The following MROH1 variants were observed in gnomAD, a reference collection of about 807,000 sequenced individuals.
MROH1 encodes maestro heat-like repeat-containing protein family member 1.
A neutral mutation model predicts 116.5 loss-of-function variants in MROH1; 117 were observed. The observed-to-expected ratio is 1.00, with a 90% CI of 0.86 to 1.17. The LOEUF is 1.17. MROH1 is among the 50% of genes most tolerant of loss of function. The pLI, the probability that MROH1 is intolerant of heterozygous loss-of-function variation, is 0.00. For missense variants in MROH1, 1,873 were observed against 1,338.5 expected, an observed-to-expected ratio of 1.40 and a Z score of -6.23; for synonymous variants, 921 against 583.9, an observed-to-expected ratio of 1.58 and a Z score of -8.32.
At chr8:144,236,286 G>A (rs1396470122) in intron 14 of MROH1, among the ~76,000 whole-genome samples, 1 of 152,306 alleles carries the variant, frequency 6.6e-6, no homozygotes, top group East Asian at 1.9e-4. Context: ...CATATCGGGG[G>A]TCCTAGTGTT....
intron 1 of MROH1, among the ~76,000 whole-genome samples, chr8:144,156,464 TG>T (rs1224407543): frequency 2.0e-5 from 3 of 151,976 alleles, no homozygotes; most frequent in African/African-American, 4.8e-5. Flanking sequence ...CCCAGCACTT[TG>T]GGAGGCCGAG....
rs1845126782 is a variant in MROH1 at position 144,261,750 on chromosome 8, C to CA, written c.*11dup. ...GGTGAAGCTCGCCTAAGGCTCCGGC[C>CA]AGCACCCCCAGCGAGGAGTATGCAC... On this transcript the variant is annotated 3_prime_UTR_variant, in exon 44 of 44. Coordinates refer to ENST00000326134, the MANE Select transcript of MROH1 (RefSeq NM_032450.3). 1 of 705,980 alleles carries CA rather than the reference C, an allele frequency of 1.4e-6. No individual in the cohort carries two copies. The highest frequency in any genetic ancestry group is 2.6e-6 in the Non-Finnish European group (1 of 387,280). 43.7% of individuals were successfully genotyped at this position (705,980 alleles called of 1,614,324 possible). A position where few individuals can be genotyped will look rare whatever the true frequency, so the allele number is the denominator to read the frequency against.
In MROH1 at chr8:144,163,363, G is replaced by T. The variant is rs7461665; in HGVS notation, c.-56-408G>T. 7.2e-5 allele frequency among the ~76,000 whole-genome samples: 11 copies of T among 152,228 alleles called. No homozygotes were observed. Among genetic ancestry groups the T allele is most frequent in the African/African-American group, 2.7e-4 (11 of 41,494 alleles). ...ACGCTTCCTGGACTCGATTCTTAGG[G>T]ACCATTGTTGCATGCAGTGGCGCAT... is the stretch of plus-strand genomic sequence containing the variant. On this transcript the variant is annotated intron_variant, in intron 2 of 43. Transcript: ENST00000326134. This position sits in a 1 kb window ranked among gnomAD's most constrained non-coding sequence, Gnocchi z 4.4.
At chr8:144,175,101 A>G in intron 4 of MROH1, 1 of 985,486 alleles carries the variant, frequency 1.0e-6, no homozygotes, top group East Asian at 1.1e-4. Context: ...TTCCAAGATC[A>G]AGAACCAGAG....
At chr8:144,153,962 G>A (rs1056539923) in intron 1 of MROH1, among the ~76,000 whole-genome samples, 24 of 152,234 alleles carry the variant, frequency 1.6e-4, no homozygotes, top group African/African-American at 3.4e-4. Context: ...GGGTTTCACC[G>A]TGTTAGCCAG....
At chr8:144,211,722 ATC>A (rs1834134006) in intron 12 of MROH1, among the ~76,000 whole-genome samples, 1 of 150,532 alleles carries the variant, frequency 6.6e-6, no homozygotes. Context: ...GTGAAATTCC[ATC>A]TCAAAAAAAA....
intron 35 of MROH1, among the ~76,000 whole-genome samples, chr8:144,257,747 G>A (rs1844166219): frequency 6.6e-6 from 1 of 152,262 alleles, no homozygotes; most frequent in African/African-American, 2.4e-5. Flanking sequence ...GGTGACCAGG[G>A]CAGTGGCACT....
intron 12 of MROH1, among the ~76,000 whole-genome samples, chr8:144,216,440 T>C (rs1835282089): frequency 6.6e-6 from 1 of 151,942 alleles, no homozygotes; most frequent in Non-Finnish European, 1.5e-5. Context: ...CACCACTCCA[T>C]TCCATCCTGG....
chr8:144,221,304 C>T (rs533766261), intron 13 of MROH1, among the ~76,000 whole-genome samples: 3 of 152,270 alleles, frequency 2.0e-5, no homozygotes, highest in East Asian at 3.9e-4. Flanking sequence ...GGCCTAAGAC[C>T]CCAGGTGGAC....
chr8:144,199,777 C>T (rs1830695456), intron 11 of MROH1, among the ~76,000 whole-genome samples: 2 of 152,114 alleles, frequency 1.3e-5, no homozygotes. Context: ...GTCAGGCAGG[C>T]GGGGCCTCAG....
intron 26 of MROH1, 40 bp from the exon 27 acceptor site, chr8:144,244,182 C>A: frequency 1.4e-6 from 1 of 714,656 alleles, no homozygotes; most frequent in Admixed American, 2.0e-5. Flanking sequence ...TGAGTTTCAG[C>A]CTTAGGATCA....
chr8:144,208,456 T>A (rs908180278), intron 12 of MROH1, among the ~76,000 whole-genome samples: 6 of 151,852 alleles, frequency 4.0e-5, no homozygotes, highest in Non-Finnish European at 8.8e-5. Context: ...TCATGTGCAT[T>A]TTTCCTGTGT....
chr8:144,258,925 CCAGCCCACTG>C lies in MROH1; in HGVS notation c.3929+16_3929+25del. The C allele has an allele frequency of 1.4e-6, 1 of 732,656 alleles. No homozygotes were observed. The highest frequency in any genetic ancestry group is 1.5e-5 in the South Asian group (1 of 68,614). 45.4% of individuals were successfully genotyped at this position (732,656 alleles called of 1,614,324 possible). A position where few individuals can be genotyped will look rare whatever the true frequency, so the allele number is the denominator to read the frequency against. On this transcript the variant is annotated intron_variant, in intron 36 of 43. Coordinates refer to ENST00000326134, the MANE Select transcript of MROH1 (RefSeq NM_032450.3). Reference sequence around the variant, plus strand: ...CACCAGGTTGGCCAGGTGAGCGGGCCCAGCCCACTGCAGCTCCAGCACTGGCTGGGCTCCA... The same window carrying C: ...CACCAGGTTGGCCAGGTGAGCGGGCCCAGCTCCAGCACTGGCTGGGCTCCA...
intron 1 of MROH1, among the ~76,000 whole-genome samples, chr8:144,150,419 G>C (rs905290769): frequency 6.6e-6 from 1 of 152,130 alleles, no homozygotes; most frequent in African/African-American, 2.4e-5. Flanking sequence ...TTATATACAT[G>C]TGTGTGTACT....
intron 4 of MROH1, among the ~76,000 whole-genome samples, chr8:144,173,461 G>A (rs1271203711): frequency 6.8e-6 from 1 of 148,036 alleles, no homozygotes; most frequent in Non-Finnish European, 1.5e-5. Context: ...TCTCACTCTT[G>A]CCCAGGCTGG....
rs767756867 is a variant in MROH1 at position 144,168,375 on chromosome 8, C to T, written c.103C>T (p.Leu35Phe). Residue 35 changes from leucine (L) to phenylalanine (F), a missense_variant, in exon 4 of 44, where the codon CTC becomes TTC. By Grantham distance (22) the Leu-to-Phe change is conservative. Coordinates refer to ENST00000326134, the MANE Select transcript of MROH1 (RefSeq NM_032450.3). Reference sequence around the variant, plus strand: ...GCAGGTCTGCAGTGCCCTGTGCTCCCTCGGGGAGGCGCGGCCGGTGGAGAC... The same window carrying T: ...GCAGGTCTGCAGTGCCCTGTGCTCCTTCGGGGAGGCGCGGCCGGTGGAGAC... ...QEQVCSALCSLGEARPVETLR... is the reference protein window; with the variant it reads ...QEQVCSALCSFGEARPVETLR... 12 of 1,611,602 alleles carry T rather than the reference C, an allele frequency of 7.4e-6. No homozygotes were observed. In the South Asian group the frequency reaches 1.3e-4, roughly 18 times the overall value.
intron 34 of MROH1, 148 bp from the exon 35 acceptor site, chr8:144,255,361 T>C (rs782097908): frequency 0.58 from 381,963 of 660,332 alleles, 112,218 homozygotes; most frequent in East Asian, 0.8. Flanking sequence ...CATGCAGTGG[T>C]GCGCCTCGCC....
intron 39 of MROH1, 31 bp downstream of exon 39, chr8:144,260,405 G>A (rs1163819493): frequency 1.1e-4 from 74 of 704,618 alleles, no homozygotes; most frequent in Non-Finnish European, 1.8e-5. Context: ...GGAGGGAAGA[G>A]GGCCCCAGCC....
chr8:144,254,607 A>C (rs1843376036), intron 33 of MROH1: 3 of 577,188 alleles, frequency 5.2e-6, no homozygotes, highest in African/African-American at 3.8e-5. Context: ...TGTGTCCTTT[A>C]TTACCAGCTC....
Sources: gnomAD v4.1 joint callset for allele counts (sites outside exome capture counted in the v4.1 genomes callset) on GRCh38, gnomAD v4.1.1 for gene constraint, Gnocchi (gnomAD v3.1) non-coding constraint, MANE v1.5 for transcripts, NCBI Gene and HGNC (gene_info 2026-07-23, HGNC 2026-07-21) for gene names.